ZNF26: variants seen among roughly 807,000 people sequenced by gnomAD.
ZNF26 encodes the protein zinc finger protein 26, also known as epididymis luminal protein 179.
ZNF26 carries 32 observed loss-of-function variants against 54.9 expected under a neutral mutation model. The observed-to-expected ratio is 0.58, with a 90% CI of 0.44 to 0.78. The LOEUF is 0.78. Among genes scored for constraint, ZNF26 ranks in the 30% least tolerant of loss-of-function variants. The probability of loss-of-function intolerance (pLI) is 0.00; values close to 1 mark genes in which losing one functional copy is unlikely to be tolerated. For missense variants in ZNF26, 524 were observed against 634.0 expected (o/e 0.83, Z 1.86); for synonymous variants, 221 against 209.2 (o/e 1.06, Z -0.49).
At chr12:133,000,119 T>C (rs1953178249) in intron 1 of ZNF26, among the ~76,000 whole-genome samples, 1 of 152,202 alleles carries the variant, frequency 6.6e-6, no homozygotes, top group African/African-American at 2.4e-5. Context: ...TAATCTCTTG[T>C]GAAATTTTAA....
At position 133,011,269 on chromosome 12, in the gene ZNF26, C is replaced by T; in HGVS notation, c.1390C>T (p.Pro464Ser). The change falls in exon 4 of 4, where the codon CCT becomes TCT. Residue 464 changes from proline to serine, a missense_variant. Physicochemically the swap from Pro to Ser is moderately conservative, Grantham distance 74. Coordinates refer to ENST00000328654, the MANE Select transcript of ZNF26 (RefSeq NM_019591.4). ...ATGCAATGAATGTGAAAAAGCCTAC[C>T]CTAGGAAGGCATCACTTCAGATACA... ...YECNECEKAY[P>S]RKASLQIHQK... is the part of the protein sequence containing the mutation. 1.2e-6 allele frequency: 2 copies of T among 1,613,592 alleles called. No individual in the cohort carries two copies. The highest frequency in any genetic ancestry group is 1.7e-5 in the Admixed American group (1 of 59,976).
chr12:133,007,601 C>T, intron 3 of ZNF26, 69 bp downstream of exon 3: 1 of 1,113,964 alleles, frequency 9.0e-7, no homozygotes, highest in Non-Finnish European at 1.3e-6. Flanking sequence ...GGAGTGGGCA[C>T]TCACAGTGTT....
rs1274007125 is a variant in ZNF26, at chr12:133,022,272, A to G, written c.*10791A>G. 6.6e-6 allele frequency: 1 copy of G among 152,206 alleles called. No individual in the cohort carries two copies. Among genetic ancestry groups the G allele is most frequent in the East Asian group, 1.9e-4 (1 of 5,202 alleles). 9.4% of individuals were successfully genotyped at this position (152,206 alleles called of 1,614,324 possible). On this transcript the variant is annotated 3_prime_UTR_variant, in exon 4 of 4. Transcript: ENST00000328654. ...AAACTGAATTTTGCAAAATTATTGG[A>G]TGTCAGTATATTCAAATCAATTTTA...
intron 2 of ZNF26, 102 bp from the exon 3 acceptor site, chr12:133,007,335 T>A (rs1953353337): frequency 7.6e-7 from 1 of 1,319,224 alleles, no homozygotes; most frequent in Non-Finnish European, 1.1e-6. Flanking sequence ...CTAATTGTAA[T>A]CTTTCCCCAA....
chr12:132,992,162 G>A (rs2137214833), intron 1 of ZNF26, among the ~76,000 whole-genome samples: 1 of 152,000 alleles, frequency 6.6e-6, no homozygotes, highest in African/African-American at 2.4e-5. Context: ...AAAAAAAAGT[G>A]TATCTGTGTT....
Position 133,015,481 on chromosome 12 carries a change from TAAGA to T in ZNF26, c.*4005_*4008del, listed in dbSNP as rs1953555122. On this transcript the variant is annotated 3_prime_UTR_variant, in exon 4 of 4. Transcript: ENST00000328654. ...CAATTATCAACTTGTGGCAAAAGAA[TAAGA>T]AAGAGAACTAAAAAATGAAAAAAAA... 1 of 148,886 alleles carries T rather than the reference TAAGA, an allele frequency of 6.7e-6. No individual in the cohort carries two copies. The highest frequency in any genetic ancestry group is 2.5e-5 in the African/African-American group (1 of 40,266). The allele number at this position is 148,886 out of a possible 1,614,324, so 9.2% of individuals were successfully genotyped here.
chr12:133,007,362 T>C (rs1259297127), intron 2 of ZNF26, 75 bp from the exon 3 acceptor site: 4 of 1,384,246 alleles, frequency 2.9e-6, no homozygotes, highest in Admixed American at 3.8e-5. Context: ...TGAGCAGTTT[T>C]GCTCTGTAGC....
Position 133,011,484 on chromosome 12 carries a change from A to C in ZNF26, c.*3A>C. On this transcript the variant is annotated 3_prime_UTR_variant, in exon 4 of 4. Transcript: ENST00000328654. ...TACATCGGAAGACTCATAAATGAGA[A>C]ATCAGAATGATGCAATGTGAGAAAC... The C allele has an allele frequency of 1.3e-6, 2 of 1,532,704 alleles. No individual in the cohort carries two copies. The highest frequency in any genetic ancestry group is 1.7e-6 in the Non-Finnish European group (2 of 1,143,760). The allele number at this position is 1,532,704 out of a possible 1,614,324, so 94.9% of individuals were successfully genotyped here. A position where few individuals can be genotyped will look rare whatever the true frequency, so the allele number is the denominator to read the frequency against.
chr12:133,018,035 TATAAA>T lies in ZNF26; in HGVS notation c.*6556_*6560del. On this transcript the variant is annotated 3_prime_UTR_variant, in exon 4 of 4. Transcript: ENST00000328654. ...ATAACAGCAACAAAAAAAGCAATTA[TATAAA>T]ACAATATGCAGTACTGTTTGGACTA... 6.6e-6 allele frequency: 1 copy of T among 152,152 alleles called. No homozygotes were observed. The highest frequency in any genetic ancestry group is 1.5e-5 in the Non-Finnish European group (1 of 68,044). The allele number at this position is 152,152 out of a possible 1,614,324, so 9.4% of individuals were successfully genotyped here.
chr12:133,010,056 T>A, intron 3 of ZNF26, 80 bp from the exon 4 acceptor site: 1 of 1,396,210 alleles, frequency 7.2e-7, no homozygotes, highest in South Asian at 1.5e-5. Flanking sequence ...GTTGATTACA[T>A]CACAGTCCTA....
intron 3 of ZNF26, among the ~76,000 whole-genome samples, chr12:133,008,487 C>T (rs1452853625): frequency 6.6e-6 from 1 of 151,972 alleles, no homozygotes; most frequent in East Asian, 1.9e-4. Flanking sequence ...AAAGAAATAC[C>T]TGAGACTGGC....
Position 133,017,740 on chromosome 12 carries a change from T to A in ZNF26, c.*6259T>A, listed in dbSNP as rs1382459827. 6.6e-6 allele frequency: 1 copy of A among 152,282 alleles called. No homozygotes were observed. Among genetic ancestry groups the A allele is most frequent in the African/African-American group, 2.4e-5 (1 of 41,460 alleles). 9.4% of individuals were successfully genotyped at this position (152,282 alleles called of 1,614,324 possible). On this transcript the variant is annotated 3_prime_UTR_variant, in exon 4 of 4. Transcript: ENST00000328654. Reference sequence around the variant, plus strand: ...ATTAATAATTATAGGCCAGGCGTGGTGGCTCACGCCTGTAATCCCAGCACT... The same window carrying A: ...ATTAATAATTATAGGCCAGGCGTGGAGGCTCACGCCTGTAATCCCAGCACT...
rs1470772143 is a variant in ZNF26 at position 133,017,558 on chromosome 12, T to C, written c.*6077T>C. The C allele has an allele frequency of 6.6e-6, 1 of 152,148 alleles. No homozygotes were observed. Among genetic ancestry groups the C allele is most frequent in the Non-Finnish European group, 1.5e-5 (1 of 68,060 alleles). 9.4% of individuals were successfully genotyped at this position (152,148 alleles called of 1,614,324 possible). A position where few individuals can be genotyped will look rare whatever the true frequency, so the allele number is the denominator to read the frequency against. On this transcript the variant is annotated 3_prime_UTR_variant, in exon 4 of 4. Transcript: ENST00000328654. ...CGGGATCAGCTCCACTTAACATCATTTCCAGTGATCAGTTTGGAGACTGAA... is the reference window on the plus strand; with the variant it reads ...CGGGATCAGCTCCACTTAACATCATCTCCAGTGATCAGTTTGGAGACTGAA...
In ZNF26 at chr12:133,010,575, T is replaced by C; in HGVS notation, c.696T>C (p.Cys232=). The change falls in exon 4 of 4, where the codon TGT becomes TGC. Residue 232 remains cysteine, a synonymous_variant. Transcript: ENST00000328654. ...RVHTGEKPYS[C]SECEKVFSFR... Reference sequence around the variant, plus strand: ...ATACAGGAGAAAAACCCTACTCATGTAGTGAGTGCGAGAAGGTCTTCTCTT... The same window carrying C: ...ATACAGGAGAAAAACCCTACTCATGCAGTGAGTGCGAGAAGGTCTTCTCTT... The C allele has an allele frequency of 6.2e-7, 1 of 1,614,118 alleles. No individual in the cohort carries two copies. The highest frequency in any genetic ancestry group is 8.5e-7 in the Non-Finnish European group (1 of 1,179,996).
At chr12:133,000,626 A>G (rs762301846) in intron 1 of ZNF26, among the ~76,000 whole-genome samples, 27 of 152,060 alleles carry the variant, frequency 1.8e-4, no homozygotes, top group East Asian at 1.2e-3. Context: ...GGGTTTCACC[A>G]TGTTAGCCAG....
rs988352999 is a variant in ZNF26, at chr12:133,001,609, C to G, written c.34-5433C>G. ...CCCAGAAGTCCACTCACTGCCTCTTCCCCTGGGGTCTCCCTCCCTGCAGGT... is the reference window on the plus strand; with the variant it reads ...CCCAGAAGTCCACTCACTGCCTCTTGCCCTGGGGTCTCCCTCCCTGCAGGT... On this transcript the variant is annotated intron_variant, in intron 1 of 3. Transcript: ENST00000328654. This position sits in a 1 kb window ranked among gnomAD's most constrained non-coding sequence, Gnocchi z 4.7. 9.5e-5 allele frequency: 121 copies of G among 1,268,854 alleles called. No individual in the cohort carries two copies. The highest frequency in any genetic ancestry group is 1.2e-4 in the Non-Finnish European group (117 of 970,400). 78.6% of individuals were successfully genotyped at this position (1,268,854 alleles called of 1,614,324 possible).
rs1181458681 is a variant in ZNF26 at position 133,023,102 on chromosome 12, CAG to C, written c.*11622_*11623del. ...GTACTTGTAACTAGTATTTGATGAA[CAG>C]GGGCTATACAACAGTTTAGATTTTA... On this transcript the variant is annotated 3_prime_UTR_variant, in exon 4 of 4. Coordinates refer to ENST00000328654, the MANE Select transcript of ZNF26 (RefSeq NM_019591.4). 24 of 152,154 alleles carry C rather than the reference CAG, an allele frequency of 1.6e-4. No individual in the cohort carries two copies. Among genetic ancestry groups the C allele is most frequent in the African/African-American group, 5.8e-4 (24 of 41,430 alleles). 9.4% of individuals were successfully genotyped at this position (152,154 alleles called of 1,614,324 possible).
intron 1 of ZNF26, among the ~76,000 whole-genome samples, chr12:133,002,830 G>T (rs2137241733): frequency 6.6e-6 from 1 of 151,900 alleles, no homozygotes; most frequent in African/African-American, 2.4e-5. Context: ...CACCATATTG[G>T]CCAGGCTGGT....
At chr12:133,003,347 T>C (rs1343128860) in intron 1 of ZNF26, among the ~76,000 whole-genome samples, 9 of 150,948 alleles carry the variant, frequency 6.0e-5, no homozygotes, top group African/African-American at 2.0e-4. Context: ...CTCTGCCTCC[T>C]GGGTTAACGC....
Sources: allele counts gnomAD v4.1 joint callset (sites outside exome capture counted in the v4.1 genomes callset), GRCh38; gene constraint gnomAD v4.1.1; non-coding constraint Gnocchi (gnomAD v3.1); transcripts MANE v1.5; gene names NCBI Gene and HGNC (gene_info 2026-07-23, HGNC 2026-07-21).